HTR4: variants seen among roughly 807,000 people sequenced by gnomAD.
HTR4 encodes the protein 5-hydroxytryptamine (serotonin) receptor 4, G protein-coupled.
In HTR4, 16 loss-of-function variants were observed where a neutral mutation model predicts 36.8. That is an observed-to-expected ratio of 0.43 (90% CI 0.29 to 0.66). The LOEUF (loss-of-function observed/expected upper bound fraction) is 0.66. Among genes scored for constraint, HTR4 ranks in the 30% least tolerant of loss-of-function variants. The pLI is 0.13. For missense variants in HTR4, 438 were observed against 490.9 expected (o/e 0.89, Z 1.02); for synonymous variants, 189 against 185.1 (o/e 1.02, Z -0.17).
chr5:148,607,121 C>T (rs964196045), intron 2 of HTR4, among the ~76,000 whole-genome samples: 3 of 152,168 alleles, frequency 2.0e-5, no homozygotes, highest in Non-Finnish European at 4.4e-5. Flanking sequence ...AATTCTATTC[C>T]TTCCTCTTTG....
At chr5:148,503,035 C>T (rs561631415) in intron 6 of HTR4, among the ~76,000 whole-genome samples, 14 of 152,092 alleles carry the variant, frequency 9.2e-5, no homozygotes, top group South Asian at 2.1e-4. Context: ...CTGAAAGTGA[C>T]GGGGAGAATG....
intron 2 of HTR4, among the ~76,000 whole-genome samples, chr5:148,619,829 AGAAAAGCAT>A (rs924587345): frequency 6.6e-6 from 1 of 152,248 alleles, no homozygotes; most frequent in Non-Finnish European, 1.5e-5. Context: ...AAAAGAAAAC[AGAAAAGCAT>A]GAAACATATC....
At chr5:148,488,191 TAGA>T (rs1347045591) in intron 6 of HTR4, among the ~76,000 whole-genome samples, 5 of 152,330 alleles carry the variant, frequency 3.3e-5, no homozygotes, top group Admixed American at 1.3e-4. Context: ...CTACTAAGGC[TAGA>T]AGATCAAGTG....
chr5:148,470,823 G>A (rs1402231992), intron 5 of HTR4, among the ~76,000 whole-genome samples: 1 of 152,036 alleles, frequency 6.6e-6, no homozygotes, highest in Admixed American at 6.5e-5. Flanking sequence ...CAAGTAGCTG[G>A]GATTACAGGC....
intron 2 of HTR4, among the ~76,000 whole-genome samples, chr5:148,564,248 CCTTCCCATT>C (rs1376180162): frequency 4.6e-5 from 7 of 152,212 alleles, no homozygotes; most frequent in Admixed American, 6.5e-5. Context: ...TCCTTCCTCT[CCTTCCCATT>C]CTTTACCTGG....
intron 2 of HTR4, among the ~76,000 whole-genome samples, chr5:148,576,913 A>G (rs1055639508): frequency 6.6e-6 from 1 of 152,134 alleles, no homozygotes; most frequent in Non-Finnish European, 1.5e-5. Flanking sequence ...GGAATGGGCA[A>G]AGATTTCATG....
chr5:148,544,826 A>G (rs888194055), intron 4 of HTR4, among the ~76,000 whole-genome samples: 5 of 152,200 alleles, frequency 3.3e-5, no homozygotes, highest in Non-Finnish European at 5.9e-5. Flanking sequence ...TTGATCCAGG[A>G]GTCTGCCATC....
intron 2 of HTR4, among the ~76,000 whole-genome samples, chr5:148,598,347 C>T (rs760434905): frequency 6.6e-6 from 1 of 152,080 alleles, no homozygotes; most frequent in Non-Finnish European, 1.5e-5. Flanking sequence ...GAGTTTGAGA[C>T]CAGCCTTGTC....
intron 2 of HTR4, among the ~76,000 whole-genome samples, chr5:148,626,746 T>G (rs1478829191): frequency 6.6e-6 from 1 of 152,226 alleles, no homozygotes; most frequent in East Asian, 1.9e-4. Flanking sequence ...TGTTAATATT[T>G]GGAGAGAGGT....
intron 6 of HTR4, among the ~76,000 whole-genome samples, chr5:148,503,211 T>C (rs1757019189): frequency 1.3e-5 from 2 of 151,860 alleles, no homozygotes; most frequent in Non-Finnish European, 1.5e-5. Flanking sequence ...AAAGTTGAAA[T>C]GAAGGAAAAA....
At chr5:148,571,608 T>C (rs1246278906) in intron 2 of HTR4, among the ~76,000 whole-genome samples, 1 of 152,022 alleles carries the variant, frequency 6.6e-6, no homozygotes, top group Non-Finnish European at 1.5e-5. Context: ...TCTGGGGTGA[T>C]TGAGAATTAC....
intron 4 of HTR4, among the ~76,000 whole-genome samples, chr5:148,527,422 C>T (rs1425985484): frequency 1.3e-5 from 2 of 152,108 alleles, no homozygotes; most frequent in Non-Finnish European, 2.9e-5. Context: ...GCCAGTTTCC[C>T]TTGACATAAT....
chr5:148,615,189 C>G (rs547105027), intron 2 of HTR4, among the ~76,000 whole-genome samples: 36 of 151,866 alleles, frequency 2.4e-4, no homozygotes, highest in African/African-American at 8.2e-4. Flanking sequence ...GGTATATACC[C>G]AAAGGACTAT....
chr5:148,513,729 T>A (rs185555546), intron 5 of HTR4, among the ~76,000 whole-genome samples: 55 of 152,336 alleles, frequency 3.6e-4, no homozygotes, highest in Non-Finnish European at 4.3e-4. Context: ...TTTACAATGT[T>A]AAGTCTTTGA....
chr5:148,501,129 T>G (rs1159168637), intron 6 of HTR4, among the ~76,000 whole-genome samples: 1 of 152,172 alleles, frequency 6.6e-6, no homozygotes, highest in East Asian at 1.9e-4. Context: ...TTAAATAAAT[T>G]TTAATATGTA....
intron 4 of HTR4, among the ~76,000 whole-genome samples, chr5:148,536,710 T>G (rs1164447971): frequency 6.6e-6 from 1 of 152,068 alleles, no homozygotes; most frequent in Non-Finnish European, 1.5e-5. Flanking sequence ...ATATATGCAC[T>G]CAACACAGAA....
intron 2 of HTR4, among the ~76,000 whole-genome samples, chr5:148,620,625 T>C (rs1167270487): frequency 6.6e-6 from 1 of 152,222 alleles, no homozygotes; most frequent in Non-Finnish European, 1.5e-5. Flanking sequence ...ATATGTTAAG[T>C]TAAATTGAAT....
intron 2 of HTR4, 148 bp downstream of exon 2, chr5:148,636,840 CA>C (rs1296759521): frequency 1.2e-5 from 6 of 486,492 alleles, no homozygotes; most frequent in African/African-American, 1.0e-4. Context: ...CACTAATAAT[CA>C]AACAGTACTG....
At chr5:148,623,350 C>A (rs1193130740) in intron 2 of HTR4, among the ~76,000 whole-genome samples, 1 of 152,056 alleles carries the variant, frequency 6.6e-6, no homozygotes, top group African/African-American at 2.4e-5. Context: ...AAGGCCTCTC[C>A]ACAGAGACAG....
Sources: gnomAD v4.1 joint callset for allele counts (sites outside exome capture counted in the v4.1 genomes callset) on GRCh38, gnomAD v4.1.1 for gene constraint, MANE v1.5 for transcripts, NCBI Gene and HGNC (gene_info 2026-07-23, HGNC 2026-07-21) for gene names.